The following MINDY3 variants were observed in gnomAD, a reference collection of about 807,000 sequenced individuals.
The protein encoded by MINDY3 is MINDY lysine 48 deubiquitinase 3, also known as ubiquitin carboxyl-terminal hydrolase MINDY-3.
A neutral mutation model predicts 69.2 loss-of-function variants in MINDY3; 38 were observed. The observed-to-expected ratio is 0.55, with a 90% CI of 0.42 to 0.72. The LOEUF (loss-of-function observed/expected upper bound fraction) is 0.72, where lower values mean the gene tolerates loss of function less well. MINDY3 is among the 30% of genes least tolerant of loss of function. The pLI is 0.00. For missense variants in MINDY3, 522 were observed against 519.0 expected (o/e 1.01, Z -0.06); for synonymous variants, 192 against 180.1 (o/e 1.07, Z -0.53).
chr10:15,792,198 G>A (rs1475707193), intron 11 of MINDY3, among the ~76,000 whole-genome samples: 4 of 151,864 alleles, frequency 2.6e-5, no homozygotes, highest in South Asian at 2.1e-4. Flanking sequence ...TTTCCCCAAG[G>A]CCAAGTCACA....
intron 14 of MINDY3, among the ~76,000 whole-genome samples, chr10:15,781,840 A>G (rs1016499127): frequency 3.3e-5 from 5 of 152,198 alleles, no homozygotes; most frequent in East Asian, 1.9e-4. Flanking sequence ...CTTTAAATGG[A>G]TAAGTAACAA....
intron 2 of MINDY3, among the ~76,000 whole-genome samples, chr10:15,845,891 C>T (rs1420383050): frequency 2.2e-5 from 3 of 136,574 alleles, no homozygotes; most frequent in Non-Finnish European, 3.0e-5. Flanking sequence ...GGCGTGATCT[C>T]GGCTCACTGC....
intron 1 of MINDY3, among the ~76,000 whole-genome samples, chr10:15,849,873 T>A (rs1388978414): frequency 1.3e-5 from 2 of 152,192 alleles, no homozygotes; most frequent in African/African-American, 4.8e-5. Context: ...AAAGTCCAGC[T>A]AGTCATCTAT....
chr10:15,850,959 C>T (rs190710098), intron 1 of MINDY3, among the ~76,000 whole-genome samples: 11 of 152,258 alleles, frequency 7.2e-5, no homozygotes, highest in East Asian at 1.9e-4. Flanking sequence ...AAAGAACCTA[C>T]GTTGAAATAT....
chr10:15,842,180 A>T (rs1833515113), intron 3 of MINDY3, among the ~76,000 whole-genome samples: 1 of 151,790 alleles, frequency 6.6e-6, no homozygotes, highest in Non-Finnish European at 1.5e-5. Flanking sequence ...TCTCTTTATG[A>T]ACCTTAGCCA....
At position 15,778,288 on chromosome 10, in the gene MINDY3, A is replaced by C. The variant is rs562125019; in HGVS notation, c.*704T>G. ...TTATCGTGTTTATAAATATAGAAGA[A>C]AGCTGGCTTACAGGGCTGTTGGGAC... On this transcript the variant is annotated 3_prime_UTR_variant, in exon 15 of 15. Coordinates refer to ENST00000277632, the MANE Select transcript of MINDY3 (RefSeq NM_024948.4). 3.3e-5 allele frequency: 5 copies of C among 152,358 alleles called. No individual in the cohort carries two copies. In the South Asian group the frequency reaches 1.0e-3, roughly 32 times the overall value. 9.4% of individuals were successfully genotyped at this position (152,358 alleles called of 1,614,324 possible). A position where few individuals can be genotyped will look rare whatever the true frequency, so the allele number is the denominator to read the frequency against.
chr10:15,852,151 T>C (rs943505075), intron 1 of MINDY3, among the ~76,000 whole-genome samples: 2 of 152,196 alleles, frequency 1.3e-5, no homozygotes, highest in Non-Finnish European at 2.9e-5. Flanking sequence ...TCTGTAGTTA[T>C]TGTTTGTTTA....
intron 8 of MINDY3, 100 bp from the exon 9 acceptor site, chr10:15,821,826 C>T: frequency 1.1e-6 from 1 of 890,764 alleles, no homozygotes; most frequent in Non-Finnish European, 1.7e-6. Flanking sequence ...TTATACTACA[C>T]CAAAACTTTT....
chr10:15,781,540 G>A (rs1005084735), intron 14 of MINDY3, among the ~76,000 whole-genome samples: 9 of 152,140 alleles, frequency 5.9e-5, no homozygotes, highest in African/African-American at 2.2e-4. Context: ...ACCTGGCAGT[G>A]AATCACCTAT....
chr10:15,802,212 T>G (rs916340052), intron 10 of MINDY3, among the ~76,000 whole-genome samples: 1 of 152,052 alleles, frequency 6.6e-6, no homozygotes, highest in Non-Finnish European at 1.5e-5. Flanking sequence ...CCAACTCCCA[T>G]GTTACTCAAG....
intron 10 of MINDY3, among the ~76,000 whole-genome samples, chr10:15,808,895 C>T (rs549896414): frequency 2.6e-5 from 4 of 152,122 alleles, no homozygotes; most frequent in Non-Finnish European, 5.9e-5. Context: ...ATGCTATAGG[C>T]AGGGTCCAAC....
At chr10:15,818,265 T>G (rs1839509551) in intron 9 of MINDY3, among the ~76,000 whole-genome samples, 1 of 151,974 alleles carries the variant, frequency 6.6e-6, no homozygotes, top group Non-Finnish European at 1.5e-5. Context: ...GTGAAGAGAT[T>G]AGATATTAAC....
chr10:15,848,633 CAAAAAAAAAAAAAAAAAA>C (rs10719399), intron 1 of MINDY3, among the ~76,000 whole-genome samples: 1 of 48,796 alleles, frequency 2.0e-5, no homozygotes, highest in East Asian at 5.7e-4. Context: ...GACTTCATCT[CAAAAAAAAAAAAAAAAAA>C]AAAAAAAAAA....
intron 8 of MINDY3, among the ~76,000 whole-genome samples, chr10:15,832,216 C>T (rs993502534): frequency 9.2e-5 from 14 of 152,020 alleles, no homozygotes; most frequent in African/African-American, 3.4e-4. Flanking sequence ...AGGGTCAGGC[C>T]AGAGCACACA....
chr10:15,798,393 G>A (rs568426070), intron 10 of MINDY3, among the ~76,000 whole-genome samples: 168 of 152,040 alleles, frequency 1.1e-3, no homozygotes, highest in African/African-American at 4.0e-3. Context: ...TGGCATTAAG[G>A]AGCTGACAGT....
intron 13 of MINDY3, among the ~76,000 whole-genome samples, chr10:15,784,173 A>G (rs959244067): frequency 3.3e-5 from 5 of 152,220 alleles, no homozygotes; most frequent in African/African-American, 1.2e-4. Context: ...AATGGGGAAG[A>G]TAATAGTATG....
At chr10:15,832,019 T>C (rs1358897738) in intron 8 of MINDY3, among the ~76,000 whole-genome samples, 1 of 152,164 alleles carries the variant, frequency 6.6e-6, no homozygotes, top group Non-Finnish European at 1.5e-5. Context: ...CTGTTAGTCC[T>C]GCCAATGAAA....
intron 10 of MINDY3, among the ~76,000 whole-genome samples, chr10:15,815,780 G>C (rs1233254839): frequency 6.6e-6 from 1 of 152,080 alleles, no homozygotes; most frequent in Non-Finnish European, 1.5e-5. Context: ...CTAAAAGCTA[G>C]GTACTATTAT....
chr10:15,850,211 C>A (rs898321554), intron 1 of MINDY3, among the ~76,000 whole-genome samples: 3 of 152,148 alleles, frequency 2.0e-5, no homozygotes, highest in Non-Finnish European at 4.4e-5. Flanking sequence ...TCTTCGTAAG[C>A]TGAGCATGTA....
Sources: gnomAD v4.1 joint callset for allele counts (sites outside exome capture counted in the v4.1 genomes callset) on GRCh38, gnomAD v4.1.1 for gene constraint, MANE v1.5 for transcripts, NCBI Gene and HGNC (gene_info 2026-07-23, HGNC 2026-07-21) for gene names.